IRAG1: variants seen among roughly 807,000 people sequenced by gnomAD.
The protein encoded by IRAG1 is IP3R-associated cGMP kinase substrate.
A neutral mutation model predicts 106.2 loss-of-function variants in IRAG1; 62 were observed. The ratio of observed to expected loss-of-function variants is 0.58; its 90% CI spans 0.48 to 0.72. The LOEUF is 0.72. IRAG1 is among the 30% of genes least tolerant of loss of function. IRAG1 has a pLI of 0.00. For synonymous variants in IRAG1, 462 were observed against 443.9 expected, an observed-to-expected ratio of 1.04 and a Z score of -0.51; for missense variants, 1,064 against 1,140.7, an observed-to-expected ratio of 0.93 and a Z score of 0.97.
rs377662550 is a variant in IRAG1 at position 10,604,561 on chromosome 11, G to A, written c.1603-16C>T. On this transcript the variant is annotated splice_polypyrimidine_tract_variant and intron_variant, in intron 12 of 20. Transcript: ENST00000423302. ...CAAACACGTTCTGTTGGGAACAAGG[G>A]TGTGAGAGAGGTGCTGGGAGGAGTT... is the stretch of plus-strand genomic sequence containing the variant. The A allele has an allele frequency of 2.9e-5, 47 of 1,613,870 alleles. No homozygotes were observed. The highest frequency in any genetic ancestry group is 3.6e-5 in the Non-Finnish European group (42 of 1,179,870).
intron 18 of IRAG1, among the ~76,000 whole-genome samples, chr11:10,582,453 A>G (rs1336758832): frequency 1.3e-5 from 2 of 152,260 alleles, no homozygotes; most frequent in Admixed American, 1.3e-4. Flanking sequence ...GTTTTTACCA[A>G]CATGGAACTT....
intron 1 of IRAG1, among the ~76,000 whole-genome samples, chr11:10,692,805 T>C (rs572617197): frequency 6.6e-6 from 1 of 152,330 alleles, no homozygotes; most frequent in East Asian, 1.9e-4. Context: ...GCAAGACAGC[T>C]GGGCCTCTCT....
Position 10,632,030 on chromosome 11 carries a change from G to A in IRAG1, c.361C>T (p.Arg121Ter), listed in dbSNP as rs774988512. ...GAGGCAGTGGACACCTTCAAGTGTC[G>A]GTGAGAAAGCCTCTTGTGGGGACTG... ...VHSPHKRLSH[R>*]HLKVSTASLT... The change falls in exon 4 of 21, where the codon CGA becomes TGA. Residue 121 changes from arginine (R) to a stop codon, truncating the protein, a stop_gained. Coordinates refer to ENST00000423302, the MANE Select transcript of IRAG1 (RefSeq NM_130385.4). LOFTEE classifies it high-confidence loss of function. The A allele has an allele frequency of 1.1e-5, 18 of 1,613,704 alleles. No individual in the cohort carries two copies. Among genetic ancestry groups the A allele is most frequent in the East Asian group, 6.7e-5 (3 of 44,888 alleles).
chr11:10,644,097 A>G (rs1406084129), intron 2 of IRAG1, among the ~76,000 whole-genome samples: 1 of 152,232 alleles, frequency 6.6e-6, no homozygotes, highest in Non-Finnish European at 1.5e-5. Flanking sequence ...TGGAGCATCA[A>G]GCACCTGTTT....
At chr11:10,579,500 C>T (rs1851173355) in intron 20 of IRAG1, among the ~76,000 whole-genome samples, 1 of 152,128 alleles carries the variant, frequency 6.6e-6, no homozygotes, top group Admixed American at 6.5e-5. Flanking sequence ...TTTAAAAAAT[C>T]AAAATTCAAG....
intron 3 of IRAG1, 99 bp downstream of exon 3, chr11:10,633,869 T>C (rs954111303): frequency 6.3e-5 from 41 of 647,510 alleles, no homozygotes; most frequent in Non-Finnish European, 7.8e-5. Flanking sequence ...AATAAAATGA[T>C]ACAAGAAAAA....
At chr11:10,587,095 C>G (rs1019417979) in intron 18 of IRAG1, among the ~76,000 whole-genome samples, 34 of 152,190 alleles carry the variant, frequency 2.2e-4, no homozygotes, top group Admixed American at 2.1e-3. Flanking sequence ...TGGCATCTGT[C>G]CCCTGCCTGA....
At chr11:10,688,768 A>AT (rs1230242905) in intron 1 of IRAG1, among the ~76,000 whole-genome samples, 2 of 152,012 alleles carry the variant, frequency 1.3e-5, no homozygotes, top group African/African-American at 4.8e-5. Flanking sequence ...TATGCTCACA[A>AT]TTTTTCCCAT....
In IRAG1 at chr11:10,657,758, G is replaced by A. The variant is rs1416272217; in HGVS notation, c.68-5576C>T. ...GGGGAATTGTTGGGGGTGACTGCAC[G>A]TGGAGCTCTCTTAGCCCTTCTGCAA... is the stretch of plus-strand genomic sequence containing the variant. On this transcript the variant is annotated intron_variant, in intron 1 of 20. Transcript: ENST00000423302. This position sits in a 1 kb window ranked among gnomAD's most constrained non-coding sequence, Gnocchi z 4.1. Among the ~76,000 whole-genome samples, 10 of 152,306 alleles carry A rather than the reference G, an allele frequency of 6.6e-5. No individual in the cohort carries two copies. The highest frequency in any genetic ancestry group is 1.3e-4 in the Admixed American group (2 of 15,308).
intron 15 of IRAG1, among the ~76,000 whole-genome samples, chr11:10,596,832 G>A (rs1168944551): frequency 6.6e-6 from 1 of 152,116 alleles, no homozygotes; most frequent in Non-Finnish European, 1.5e-5. Context: ...TAATAGCATA[G>A]TAATAATAAG....
At chr11:10,693,312 C>T in intron 1 of IRAG1, 2 of 862,840 alleles carry the variant, frequency 2.3e-6, no homozygotes, top group Non-Finnish European at 3.3e-6. Flanking sequence ...GCAAAAGGAG[C>T]ACAATCTAGT....
intron 8 of IRAG1, 126 bp downstream of exon 8, chr11:10,627,588 GCC>G (rs1856347992): frequency 2.1e-6 from 2 of 969,624 alleles, no homozygotes; most frequent in Admixed American, 3.8e-5. Flanking sequence ...TGTTTCCCCA[GCC>G]CTGACCCTCC....
chr11:10,580,079 G>T (rs1206936912), intron 20 of IRAG1, among the ~76,000 whole-genome samples: 1 of 152,098 alleles, frequency 6.6e-6, no homozygotes, highest in Non-Finnish European at 1.5e-5. Flanking sequence ...TTTGTCTTGG[G>T]CCTCTTCATG....
At chr11:10,683,895 A>G (rs1222990848) in intron 1 of IRAG1, among the ~76,000 whole-genome samples, 1 of 152,200 alleles carries the variant, frequency 6.6e-6, no homozygotes, top group African/African-American at 2.4e-5. Flanking sequence ...TTAAAAAAAA[A>G]AAAAAAAGCA....
intron 1 of IRAG1, among the ~76,000 whole-genome samples, chr11:10,690,001 C>T (rs1324024493): frequency 6.6e-6 from 1 of 152,040 alleles, no homozygotes; most frequent in African/African-American, 2.4e-5. Flanking sequence ...ATAGAAATTA[C>T]AAATTACAAA....
intron 1 of IRAG1, among the ~76,000 whole-genome samples, chr11:10,678,128 T>C (rs2135164720): frequency 6.6e-6 from 1 of 152,370 alleles, no homozygotes; most frequent in South Asian, 2.1e-4. Flanking sequence ...TGAATAGTGC[T>C]GTTACACTGT....
intron 1 of IRAG1, among the ~76,000 whole-genome samples, chr11:10,672,368 G>A (rs1860304911): frequency 6.6e-6 from 1 of 152,108 alleles, no homozygotes; most frequent in African/African-American, 2.4e-5. Context: ...AAAAAATTCT[G>A]TATTGAAAGT....
intron 10 of IRAG1, among the ~76,000 whole-genome samples, chr11:10,614,997 C>A (rs1855278936): frequency 6.6e-6 from 1 of 152,160 alleles, no homozygotes; most frequent in South Asian, 2.1e-4. Context: ...AGTGAACAGG[C>A]AACCTACAGA....
At chr11:10,607,944 C>G (rs1234134772) in intron 11 of IRAG1, among the ~76,000 whole-genome samples, 7 of 152,234 alleles carry the variant, frequency 4.6e-5, no homozygotes, top group Admixed American at 6.5e-5. Context: ...ACAGCATACA[C>G]ATATGATTTA....
Sources: allele counts gnomAD v4.1 joint callset (sites outside exome capture counted in the v4.1 genomes callset), GRCh38; gene constraint gnomAD v4.1.1; non-coding constraint Gnocchi (gnomAD v3.1); transcripts MANE v1.5; gene names NCBI Gene and HGNC (gene_info 2026-07-23, HGNC 2026-07-21).